The following ADAMTSL3 variants were observed in gnomAD, a reference collection of about 807,000 sequenced individuals.
The protein encoded by ADAMTSL3 is ADAMTS like 3.
Under a neutral mutation model 201.7 loss-of-function variants are expected in ADAMTSL3, and 128 were observed. The observed-to-expected ratio is 0.63, with a 90% CI of 0.55 to 0.73. The LOEUF (loss-of-function observed/expected upper bound fraction) is 0.73. Ranked by LOEUF, ADAMTSL3 falls within the 30% of genes least tolerant of loss-of-function variation. ADAMTSL3 has a pLI of 0.00. For synonymous variants in ADAMTSL3, 738 were observed against 748.4 expected, an observed-to-expected ratio of 0.99 and a Z score of 0.23; for missense variants, 1,990 against 2,119.6, an observed-to-expected ratio of 0.94 and a Z score of 1.20.
intron 23 of ADAMTSL3, among the ~76,000 whole-genome samples, chr15:83,997,835 G>A (rs184989777): frequency 6.6e-6 from 1 of 152,128 alleles, no homozygotes; most frequent in African/African-American, 2.4e-5. Flanking sequence ...ATAAAATGAG[G>A]AATTATGATG....
chr15:83,733,040 G>T (rs1256528038), intron 3 of ADAMTSL3, among the ~76,000 whole-genome samples: 2 of 152,106 alleles, frequency 1.3e-5, no homozygotes, highest in Non-Finnish European at 2.9e-5. Context: ...TCCTGAGCTG[G>T]TATTTATTAC....
intron 19 of ADAMTSL3, among the ~76,000 whole-genome samples, chr15:83,970,282 G>A (rs756662210): frequency 5.4e-4 from 82 of 151,160 alleles, no homozygotes; most frequent in Non-Finnish European, 4.7e-4. Context: ...AAGAAAGGAA[G>A]AGAAGGGAGG....
chr15:83,837,028 A>T (rs1567179099), intron 6 of ADAMTSL3, among the ~76,000 whole-genome samples: 1 of 152,158 alleles, frequency 6.6e-6, no homozygotes, highest in Non-Finnish European at 1.5e-5. Context: ...ATAAGACATG[A>T]CCTTTTTTCT....
chr15:83,750,773 A>G (rs1247732135), intron 3 of ADAMTSL3, among the ~76,000 whole-genome samples: 2 of 152,080 alleles, frequency 1.3e-5, no homozygotes, highest in Admixed American at 6.5e-5. Flanking sequence ...GATGGTCTCG[A>G]TCTCTTGACC....
chr15:83,728,109 TTATATA>T (rs1456238411), intron 3 of ADAMTSL3, among the ~76,000 whole-genome samples: 1 of 152,066 alleles, frequency 6.6e-6, no homozygotes, highest in Non-Finnish European at 1.5e-5. Flanking sequence ...CTCTTTATCA[TTATATA>T]ATGACTTTGT....
intron 17 of ADAMTSL3, among the ~76,000 whole-genome samples, chr15:83,931,071 C>G (rs536679749): frequency 1.3e-5 from 2 of 152,314 alleles, no homozygotes; most frequent in South Asian, 4.1e-4. Context: ...CTGATCTATC[C>G]TATAACTGCT....
intron 3 of ADAMTSL3, among the ~76,000 whole-genome samples, chr15:83,746,923 T>C (rs898910298): frequency 8.5e-5 from 13 of 152,236 alleles, no homozygotes; most frequent in African/African-American, 3.1e-4. Context: ...TTTCAGTTTG[T>C]ACTAATGTAA....
intron 12 of ADAMTSL3, among the ~76,000 whole-genome samples, chr15:83,892,264 GCTCATGCCTGTAAT>G (rs1442535673): frequency 6.6e-6 from 1 of 151,068 alleles, no homozygotes; most frequent in South Asian, 2.1e-4. Flanking sequence ...GGGCACAGTG[GCTCATGCCTGTAAT>G]CCCAGCACTT....
rs746799371 is a variant in ADAMTSL3, at chr15:83,983,165, C to T, written c.3537C>T (p.Leu1179=). 2.5e-6 allele frequency: 4 copies of T among 1,613,694 alleles called. No homozygotes were observed. The African/African-American group carries it at 4.0e-5, about 16-fold the overall frequency. The change falls in exon 21 of 30, where the codon CTC becomes CTT. Residue 1179 remains leucine, a synonymous_variant. Coordinates refer to ENST00000286744, the MANE Select transcript of ADAMTSL3 (RefSeq NM_207517.3). ...KLTFKPKGPV[L]MRQSQPPSIS... is the part of the protein sequence containing the mutation. The stretch of plus-strand genomic sequence containing the variant: ...CATTCAAGCCGAAAGGACCTGTTCT[C>T]ATGAGGCAAAGCCAACCTCCCTCAA...
In ADAMTSL3 at chr15:83,711,635, G is replaced by T. The variant is rs186224214; in HGVS notation, c.189+7127G>T. Among the ~76,000 whole-genome samples, 106 of 152,348 alleles carry T rather than the reference G, an allele frequency of 7.0e-4. 1 individual carries two copies. Among genetic ancestry groups the T allele is most frequent in the Middle Eastern group, 3.4e-3 (1 of 294 alleles). ...GTTAAGAGAAGACAAGAACAAATTA[G>T]TTGGAATAACTTGTACTGTGTTCAC... On this transcript the variant is annotated intron_variant, in intron 3 of 29. Coordinates refer to ENST00000286744, the MANE Select transcript of ADAMTSL3 (RefSeq NM_207517.3).
chr15:83,957,344 T>C (rs1264495829), intron 19 of ADAMTSL3, among the ~76,000 whole-genome samples: 1 of 152,184 alleles, frequency 6.6e-6, no homozygotes, highest in Non-Finnish European at 1.5e-5. Flanking sequence ...CCTACAGTCA[T>C]TGAGAGCATG....
intron 4 of ADAMTSL3, among the ~76,000 whole-genome samples, chr15:83,797,516 G>A (rs568259689): frequency 3.0e-4 from 46 of 152,130 alleles, no homozygotes; most frequent in African/African-American, 6.0e-4. Flanking sequence ...CACAAGAATC[G>A]CTTGAGCCCA....
chr15:83,892,839 C>T lies in ADAMTSL3; in HGVS notation c.1418C>T (p.Thr473Ile). The T allele has an allele frequency of 6.2e-7, 1 of 1,614,106 alleles. No individual in the cohort carries two copies. The highest frequency in any genetic ancestry group is 2.2e-5 in the East Asian group (1 of 44,854). The change falls in exon 13 of 30, where the codon ACT (threonine) becomes ATT (isoleucine). Residue 473 changes from threonine (T) to isoleucine (I), a missense_variant. Thr to Ile is a moderately conservative substitution (Grantham distance 89). Coordinates refer to ENST00000286744, the MANE Select transcript of ADAMTSL3 (RefSeq NM_207517.3). ...GCACCCAAACCCAAGGTTATGCAAA[C>T]TTGTAATCTGTTTGATTGCCCCAAG... ...MYAPKPKVMQ[T>I]CNLFDCPKWI...
At chr15:83,662,483 G>T (rs934604241) in intron 2 of ADAMTSL3, among the ~76,000 whole-genome samples, 3 of 149,520 alleles carry the variant, frequency 2.0e-5, no homozygotes, top group Non-Finnish European at 4.4e-5. Flanking sequence ...TGACGAGTTA[G>T]TGGGTTCAGC....
In ADAMTSL3 at chr15:84,037,538, C is replaced by T. The variant is rs139585441; in HGVS notation, c.4970-162C>T. Among the ~76,000 whole-genome samples the T allele has an allele frequency of 1.8e-3, 268 of 152,320 alleles. 8 individuals carry two copies. The East Asian group carries it at 0.04, about 23-fold the overall frequency. ...TCACTTGGCTGAGCTGAAAGGGAAT[C>T]CAATGCACTTCTGACTCTCATGCAA... is the stretch of plus-strand genomic sequence containing the variant. On this transcript the variant is annotated intron_variant, in intron 29 of 29. Coordinates refer to ENST00000286744, the MANE Select transcript of ADAMTSL3 (RefSeq NM_207517.3).
chr15:83,796,281 C>T (rs189257975), intron 4 of ADAMTSL3, among the ~76,000 whole-genome samples: 6 of 152,132 alleles, frequency 3.9e-5, no homozygotes, highest in Admixed American at 3.9e-4. Context: ...ATAGAAAAAT[C>T]CAAGAGTACT....
chr15:83,721,271 T>C (rs1191709145), intron 3 of ADAMTSL3, among the ~76,000 whole-genome samples: 3 of 152,190 alleles, frequency 2.0e-5, no homozygotes, highest in South Asian at 2.1e-4. Context: ...TGACTTGATA[T>C]CTGTCTGTTA....
chr15:83,952,115 T>C (rs12912896), intron 19 of ADAMTSL3, among the ~76,000 whole-genome samples: 21,148 of 152,178 alleles, frequency 0.14, 1,897 homozygotes, highest in Middle Eastern at 0.33. Flanking sequence ...CCTCTTAGTG[T>C]TGCTTTCACT....
At position 84,037,860 on chromosome 15, in the gene ADAMTSL3, T is replaced by C. The variant is rs2068539601; in HGVS notation, c.*54T>C. On this transcript the variant is annotated 3_prime_UTR_variant, in exon 30 of 30. Coordinates refer to ENST00000286744, the MANE Select transcript of ADAMTSL3 (RefSeq NM_207517.3). ...GAAGATAAAAGTAGAATATAAAAGC[T>C]CTTTTCCCCATGTCGCTGATTCAAA... 1.3e-6 allele frequency: 2 copies of C among 1,557,092 alleles called. No homozygotes were observed. The highest frequency in any genetic ancestry group is 2.3e-5 in the East Asian group (1 of 44,078).
Sources: allele counts gnomAD v4.1 joint callset (sites outside exome capture counted in the v4.1 genomes callset), GRCh38; gene constraint gnomAD v4.1.1; transcripts MANE v1.5; gene names NCBI Gene and HGNC (gene_info 2026-07-23, HGNC 2026-07-21).